C1orf21: variants seen among roughly 807,000 people sequenced by gnomAD.
C1orf21 encodes chromosome 1 open reading frame 21.
In C1orf21, 3 loss-of-function variants were observed where a neutral mutation model predicts 18.7. That is an observed-to-expected ratio of 0.16 (90% CI 0.07 to 0.42). C1orf21 has a LOEUF of 0.42. Ranked by LOEUF, C1orf21 falls within the 10% of genes least tolerant of loss-of-function variation. The probability of loss-of-function intolerance (pLI) is 0.99; values close to 1 mark genes in which losing one functional copy is unlikely to be tolerated. For missense variants in C1orf21, 104 were observed against 143.6 expected (o/e 0.72, Z 1.41); for synonymous variants, 41 against 46.4 (o/e 0.88, Z 0.47).
chr1:184,391,733 G>T (rs1324375811), intron 1 of C1orf21, among the ~76,000 whole-genome samples: 1 of 149,296 alleles, frequency 6.7e-6, no homozygotes, highest in Non-Finnish European at 1.5e-5. Context: ...TTTTTTTCGA[G>T]ACAGAGTCTT....
At chr1:184,410,663 A>ATTTT (rs71297843) in intron 1 of C1orf21, among the ~76,000 whole-genome samples, 98 of 7,670 alleles carry the variant, frequency 0.013, 28 homozygotes, top group Non-Finnish European at 0.017. Context: ...ATATATATAT[A>ATTTT]TTTTTTTTTT....
chr1:184,545,265 A>G (rs1285278022), intron 3 of C1orf21, among the ~76,000 whole-genome samples: 1 of 152,184 alleles, frequency 6.6e-6, no homozygotes, highest in Non-Finnish European at 1.5e-5. Context: ...ATACTGTGGA[A>G]TGTGTCGCAC....
At chr1:184,565,340 A>G (rs1394829923) in intron 3 of C1orf21, among the ~76,000 whole-genome samples, 4 of 152,228 alleles carry the variant, frequency 2.6e-5, no homozygotes, top group African/African-American at 9.6e-5. Context: ...GTGTTTTATG[A>G]GAGAAATTCT....
chr1:184,542,231 C>A (rs1356709813), intron 3 of C1orf21, among the ~76,000 whole-genome samples: 1 of 152,168 alleles, frequency 6.6e-6, no homozygotes, highest in African/African-American at 2.4e-5. Flanking sequence ...CAGGGCAATT[C>A]ATATAATAAT....
intron 1 of C1orf21, among the ~76,000 whole-genome samples, chr1:184,457,574 G>A (rs1428746282): frequency 1.3e-5 from 2 of 152,062 alleles, no homozygotes; most frequent in Non-Finnish European, 2.9e-5. Context: ...CTGGTTTTGG[G>A]GCTCAGTCAT....
At chr1:184,558,062 T>C (rs1488162360) in intron 3 of C1orf21, among the ~76,000 whole-genome samples, 2 of 152,192 alleles carry the variant, frequency 1.3e-5, no homozygotes, top group East Asian at 3.8e-4. Flanking sequence ...TGCTTTACCG[T>C]TTTGGTTTTC....
chr1:184,455,697 C>T (rs917391376), intron 1 of C1orf21, among the ~76,000 whole-genome samples: 3 of 152,120 alleles, frequency 2.0e-5, no homozygotes, highest in African/African-American at 7.2e-5. Context: ...CATCATAGCT[C>T]CAGCATCTAG....
intron 1 of C1orf21, among the ~76,000 whole-genome samples, chr1:184,444,929 G>A (rs796878971): frequency 2.6e-5 from 4 of 152,218 alleles, no homozygotes; most frequent in South Asian, 2.1e-4. Context: ...TGTATCCTCA[G>A]CGTATTAACA....
intron 1 of C1orf21, among the ~76,000 whole-genome samples, chr1:184,462,637 A>C (rs181695455): frequency 6.6e-6 from 1 of 152,180 alleles, no homozygotes; most frequent in African/African-American, 2.4e-5. Flanking sequence ...GCTGCTATTC[A>C]TATTTTTTTG....
intron 2 of C1orf21, among the ~76,000 whole-genome samples, chr1:184,492,195 C>A (rs1657827064): frequency 6.6e-6 from 1 of 152,204 alleles, no homozygotes; most frequent in Admixed American, 6.5e-5. Context: ...TATAGAGAAG[C>A]CATTGACTTG....
At chr1:184,472,920 T>C (rs4651208) in intron 1 of C1orf21, among the ~76,000 whole-genome samples, 65,808 of 152,104 alleles carry the variant, frequency 0.43, 15,215 homozygotes, top group African/African-American at 0.6. Flanking sequence ...TGCACGGTTA[T>C]ACATTTTTAA....
chr1:184,435,241 G>A (rs1425511591), intron 1 of C1orf21, among the ~76,000 whole-genome samples: 5 of 152,178 alleles, frequency 3.3e-5, no homozygotes, highest in Non-Finnish European at 2.9e-5. Context: ...GCTGTATTAA[G>A]TTCTGTTGGA....
intron 5 of C1orf21, among the ~76,000 whole-genome samples, chr1:184,619,034 T>G (rs1235059399): frequency 6.6e-6 from 1 of 152,260 alleles, no homozygotes; most frequent in African/African-American, 2.4e-5. Context: ...AGACCTGTTA[T>G]GCGTGTTTAA....
At chr1:184,451,095 C>A (rs1657113565) in intron 1 of C1orf21, among the ~76,000 whole-genome samples, 1 of 152,202 alleles carries the variant, frequency 6.6e-6, no homozygotes, top group African/African-American at 2.4e-5. Flanking sequence ...CCAGGCTGGT[C>A]TTGAACTCCT....
rs1659908776 is a variant in C1orf21, at chr1:184,621,049, A to G, written c.*1493A>G. 2 of 152,536 alleles carry G rather than the reference A, an allele frequency of 1.3e-5. No homozygotes were observed. Among genetic ancestry groups the G allele is most frequent in the Admixed American group, 6.6e-5 (1 of 15,264 alleles). 9.4% of individuals were successfully genotyped at this position (152,536 alleles called of 1,614,324 possible). On this transcript the variant is annotated 3_prime_UTR_variant, in exon 6 of 6. Coordinates refer to ENST00000235307, the MANE Select transcript of C1orf21 (RefSeq NM_030806.4). ...AGTTGTGACTTTGAAGGGCCTCAAT[A>G]TTAGCCACACTGCCGCCTGCAGAAG...
intron 2 of C1orf21, among the ~76,000 whole-genome samples, chr1:184,486,095 A>G (rs888393675): frequency 2.0e-5 from 3 of 152,200 alleles, no homozygotes; most frequent in African/African-American, 7.2e-5. Flanking sequence ...TCATGGAATC[A>G]CAGAAGCCAG....
intron 3 of C1orf21, among the ~76,000 whole-genome samples, chr1:184,518,429 A>G (rs1445056142): frequency 6.6e-6 from 1 of 152,242 alleles, no homozygotes; most frequent in East Asian, 1.9e-4. Flanking sequence ...GTTATGGCAC[A>G]GCATGCTTGT....
chr1:184,627,000 G>T lies in C1orf21; in HGVS notation c.*7444G>T, dbSNP rs929424679. 3 of 152,582 alleles carry T rather than the reference G, an allele frequency of 2.0e-5. No homozygotes were observed. The highest frequency in any genetic ancestry group is 7.2e-5 in the African/African-American group (3 of 41,406). The allele number at this position is 152,582 out of a possible 1,614,324, so 9.5% of individuals were successfully genotyped here. A position where few individuals can be genotyped will look rare whatever the true frequency, so the allele number is the denominator to read the frequency against. On this transcript the variant is annotated 3_prime_UTR_variant, in exon 6 of 6. Coordinates refer to ENST00000235307, the MANE Select transcript of C1orf21 (RefSeq NM_030806.4). ...CTTGGACAGCCTTCCCCTGGATTAG[G>T]TCACATACACCTGGTGGCCAAGCCT...
At chr1:184,573,884 C>G (rs1367218232) in intron 3 of C1orf21, among the ~76,000 whole-genome samples, 1 of 152,082 alleles carries the variant, frequency 6.6e-6, no homozygotes, top group African/African-American at 2.4e-5. Flanking sequence ...ATTCAAACTG[C>G]CTTTTACTTC....
Sources: gnomAD v4.1 joint callset for allele counts (sites outside exome capture counted in the v4.1 genomes callset) on GRCh38, gnomAD v4.1.1 for gene constraint, MANE v1.5 for transcripts, NCBI Gene and HGNC (gene_info 2026-07-23, HGNC 2026-07-21) for gene names.